The following UBE2J1 variants were observed in gnomAD, a reference collection of about 807,000 sequenced individuals.
UBE2J1 encodes the protein ubiquitin conjugating enzyme E2 J1.
In UBE2J1, 17 loss-of-function variants were observed where a neutral mutation model predicts 42.1. The ratio of observed to expected loss-of-function variants is 0.40; its 90% CI spans 0.28 to 0.61. The LOEUF (loss-of-function observed/expected upper bound fraction) is 0.61, where lower values mean the gene tolerates loss of function less well. Among genes scored for constraint, UBE2J1 ranks in the 20% least tolerant of loss-of-function variants. The pLI, the probability that UBE2J1 is intolerant of heterozygous loss-of-function variation, is 0.38. For missense variants in UBE2J1, 291 were observed against 389.4 expected (o/e 0.75, Z 2.13); for synonymous variants, 127 against 137.2 (o/e 0.93, Z 0.52).
At position 89,344,243 on chromosome 6, in the gene UBE2J1, C is replaced by A. The variant is rs557641130; in HGVS notation, c.32-487G>T. On this transcript the variant is annotated intron_variant, in intron 1 of 7. Coordinates refer to ENST00000435041, the MANE Select transcript of UBE2J1 (RefSeq NM_016021.3). ...TGTCTTTATTAACAAAAAATGTATT[C>A]TCTGGATCTCATGCTCGGTGAACAG... Among the ~76,000 whole-genome samples the A allele has an allele frequency of 8.5e-5, 13 of 152,298 alleles. No individual in the cohort carries two copies. The South Asian group carries it at 2.7e-3, about 32-fold the overall frequency.
chr6:89,337,905 T>C (rs1234766312), intron 5 of UBE2J1, among the ~76,000 whole-genome samples: 2 of 152,222 alleles, frequency 1.3e-5, no homozygotes, highest in African/African-American at 4.8e-5. Flanking sequence ...AATGCCATAG[T>C]GGAAACAAAT....
intron 3 of UBE2J1, among the ~76,000 whole-genome samples, chr6:89,338,803 C>T (rs1375226231): frequency 6.6e-6 from 1 of 150,950 alleles, no homozygotes; most frequent in African/African-American, 2.4e-5. Flanking sequence ...GTAGCTGGAA[C>T]TACAGGCGCC....
chr6:89,336,328 T>C (rs1341943715), intron 5 of UBE2J1, among the ~76,000 whole-genome samples: 3 of 152,066 alleles, frequency 2.0e-5, no homozygotes, highest in African/African-American at 7.2e-5. Flanking sequence ...CCTCGTTCTA[T>C]CACCCAGGCT....
At chr6:89,345,005 G>C (rs1009828198) in intron 1 of UBE2J1, among the ~76,000 whole-genome samples, 1 of 152,134 alleles carries the variant, frequency 6.6e-6, no homozygotes, top group Non-Finnish European at 1.5e-5. Context: ...TAGGGAAAAG[G>C]CTTCTCAAAA....
chr6:89,350,263 CA>C (rs1371592549), intron 1 of UBE2J1, among the ~76,000 whole-genome samples: 2 of 152,230 alleles, frequency 1.3e-5, no homozygotes, highest in Non-Finnish European at 2.9e-5. Flanking sequence ...ACTCATACAT[CA>C]AAGACAATCC....
chr6:89,350,050 TAGACAACTACTGACAACTACCAC>T (rs1470598394), intron 1 of UBE2J1, among the ~76,000 whole-genome samples: 1 of 152,182 alleles, frequency 6.6e-6, no homozygotes, highest in East Asian at 1.9e-4. Context: ...AGCAGATCCA[TAGACAACTACTGACAACTACCAC>T]AGACAACTAC....
chr6:89,350,390 A>G (rs1768450638), intron 1 of UBE2J1, among the ~76,000 whole-genome samples: 2 of 152,142 alleles, frequency 1.3e-5, no homozygotes, highest in African/African-American at 4.8e-5. Context: ...TACACAGGAA[A>G]TTGGAGTTTT....
intron 3 of UBE2J1, among the ~76,000 whole-genome samples, chr6:89,339,647 AGG>A (rs1768204822): frequency 6.6e-5 from 1 of 15,040 alleles, no homozygotes; most frequent in Non-Finnish European, 1.3e-4. Context: ...GGAGTGGGGG[AGG>A]GGAGGGGAGG....
At position 89,326,860 on chromosome 6, in the gene UBE2J1, G is replaced by C. The variant is rs755821587; in HGVS notation, c.*2819C>G. The C allele has an allele frequency of 2.3e-4, 35 of 152,012 alleles. 2 individuals are homozygous for C. The highest frequency in any genetic ancestry group is 2.8e-4 in the Non-Finnish European group (19 of 67,964). 9.4% of individuals were successfully genotyped at this position (152,012 alleles called of 1,614,324 possible). A position where few individuals can be genotyped will look rare whatever the true frequency, so the allele number is the denominator to read the frequency against. ...TTTCAGTATTTTGGCCTAGATTTTTGTTCAAATGAGTCCAAATGTGTGAGT... is the reference window on the plus strand; with the variant it reads ...TTTCAGTATTTTGGCCTAGATTTTTCTTCAAATGAGTCCAAATGTGTGAGT... On this transcript the variant is annotated 3_prime_UTR_variant, in exon 8 of 8. Coordinates refer to ENST00000435041, the MANE Select transcript of UBE2J1 (RefSeq NM_016021.3).
At chr6:89,349,940 G>C (rs892944485) in intron 1 of UBE2J1, among the ~76,000 whole-genome samples, 3 of 151,926 alleles carry the variant, frequency 2.0e-5, no homozygotes, top group African/African-American at 4.8e-5. Flanking sequence ...TCCTTGGCCA[G>C]AGCAGACCCA....
intron 1 of UBE2J1, among the ~76,000 whole-genome samples, chr6:89,348,443 A>C (rs1338377325): frequency 1.3e-5 from 2 of 152,200 alleles, no homozygotes; most frequent in Non-Finnish European, 2.9e-5. Flanking sequence ...CTTCAAAAGC[A>C]ATTATCTTGA....
intron 3 of UBE2J1, among the ~76,000 whole-genome samples, chr6:89,340,124 A>C (rs553778881): frequency 6.6e-6 from 1 of 152,134 alleles, no homozygotes; most frequent in African/African-American, 2.4e-5. Flanking sequence ...AGACATGGGG[A>C]GAAAGGCTCT....
At chr6:89,338,086 A>G (rs1361523836) in intron 5 of UBE2J1, 119 bp downstream of exon 5, 4 of 644,700 alleles carry the variant, frequency 6.2e-6, no homozygotes, top group Non-Finnish European at 1.0e-5. Context: ...CTGAGATAAG[A>G]TCCTGTAGCT....
chr6:89,336,473 ATTT>A lies in UBE2J1; in HGVS notation c.429-1045_429-1043del, dbSNP rs544827012. ...ACCCCGCTAATTTTTATTTTATTTT[ATTT>A]TTTTTTTTTATTTCATTTTATTATT... On this transcript the variant is annotated intron_variant, in intron 5 of 7. Coordinates refer to ENST00000435041, the MANE Select transcript of UBE2J1 (RefSeq NM_016021.3). 8.2e-5 allele frequency among the ~76,000 whole-genome samples: 4 copies of A among 48,756 alleles called. No homozygotes were observed. The South Asian group carries it at 5.2e-3, about 63-fold the overall frequency. 32.0% of individuals were successfully genotyped at this position (48,756 alleles called of 152,430 possible).
At chr6:89,341,389 ATAGT>A (rs1768243981) in intron 3 of UBE2J1, among the ~76,000 whole-genome samples, 1 of 152,220 alleles carries the variant, frequency 6.6e-6, no homozygotes, top group African/African-American at 2.4e-5. Flanking sequence ...ATAATTAAAC[ATAGT>A]TAAAGGAAAT....
In UBE2J1 at chr6:89,333,264, C is replaced by A. The variant is rs553600338; in HGVS notation, c.559-59G>T. On this transcript the variant is annotated intron_variant, in intron 6 of 7. Coordinates refer to ENST00000435041, the MANE Select transcript of UBE2J1 (RefSeq NM_016021.3). Reference sequence around the variant, plus strand: ...AACAGGAAACAACAGGAAACATACACAATCTACAACCTGCTAAATCCTCTC... The same window carrying A: ...AACAGGAAACAACAGGAAACATACAAAATCTACAACCTGCTAAATCCTCTC... The A allele has an allele frequency of 7.0e-5, 108 of 1,536,258 alleles. No individual in the cohort carries two copies. The African/African-American group carries it at 1.4e-3, about 20-fold the overall frequency.
intron 3 of UBE2J1, among the ~76,000 whole-genome samples, chr6:89,339,878 G>A (rs761426275): frequency 5.3e-5 from 8 of 151,920 alleles, no homozygotes; most frequent in South Asian, 2.1e-4. Flanking sequence ...TTAGCCAAGC[G>A]TGGTATGTGT....
At chr6:89,344,615 A>G (rs1768323014) in intron 1 of UBE2J1, among the ~76,000 whole-genome samples, 1 of 152,236 alleles carries the variant, frequency 6.6e-6, no homozygotes, top group Middle Eastern at 3.2e-3. Flanking sequence ...AAAGTCAGAG[A>G]GGATGGTGCA....
chr6:89,349,877 C>T (rs991072639), intron 1 of UBE2J1, among the ~76,000 whole-genome samples: 3 of 152,136 alleles, frequency 2.0e-5, no homozygotes, highest in Non-Finnish European at 4.4e-5. Flanking sequence ...GAAGAAGCTG[C>T]CAAAGGAGGT....
Sources: gnomAD v4.1 joint callset for allele counts (sites outside exome capture counted in the v4.1 genomes callset) on GRCh38, gnomAD v4.1.1 for gene constraint, MANE v1.5 for transcripts, NCBI Gene and HGNC (gene_info 2026-07-23, HGNC 2026-07-21) for gene names.